The following PDGFD variants were observed in gnomAD, a reference collection of about 807,000 sequenced individuals.
PDGFD encodes the protein platelet derived growth factor D.
PDGFD carries 30 observed loss-of-function variants against 44.7 expected under a neutral mutation model. The ratio of observed to expected loss-of-function variants is 0.67; its 90% confidence interval spans 0.50 to 0.91. The LOEUF (loss-of-function observed/expected upper bound fraction) is 0.91. PDGFD is among the 40% of genes least tolerant of loss of function. The pLI, the probability that PDGFD is intolerant of heterozygous loss-of-function variation, is 0.00. For missense variants in PDGFD, 445 were observed against 457.8 expected, an observed-to-expected ratio of 0.97 and a Z score of 0.25; for synonymous variants, 173 against 168.4, an observed-to-expected ratio of 1.03 and a Z score of -0.21.
intron 1 of PDGFD, among the ~76,000 whole-genome samples, chr11:104,084,626 T>C (rs1413716866): frequency 6.8e-6 from 1 of 146,992 alleles, no homozygotes; most frequent in Non-Finnish European, 1.5e-5. Flanking sequence ...TAAATATACA[T>C]ATATAATATA....
At chr11:104,050,616 C>T (rs17331117) in intron 1 of PDGFD, among the ~76,000 whole-genome samples, 34,258 of 152,054 alleles carry the variant, frequency 0.23, 4,262 homozygotes, top group Non-Finnish European at 0.28. Flanking sequence ...AAAGTGATAA[C>T]GTGTGGGTCT....
At chr11:104,065,934 G>C (rs1274959990) in intron 1 of PDGFD, among the ~76,000 whole-genome samples, 3 of 152,110 alleles carry the variant, frequency 2.0e-5, no homozygotes, top group African/African-American at 7.2e-5. Context: ...AGTGAATGCA[G>C]GGTAGAAATA....
intron 3 of PDGFD, among the ~76,000 whole-genome samples, chr11:103,962,939 T>C (rs1362712574): frequency 1.3e-5 from 2 of 152,280 alleles, no homozygotes; most frequent in East Asian, 3.9e-4. Context: ...GAGATGGAAA[T>C]CACCTGTTAC....
At chr11:103,928,006 T>C (rs1184613636) in intron 5 of PDGFD, among the ~76,000 whole-genome samples, 1 of 152,238 alleles carries the variant, frequency 6.6e-6, no homozygotes, top group Non-Finnish European at 1.5e-5. Flanking sequence ...ATACTACGTC[T>C]TTCTCCCTCT....
intron 1 of PDGFD, among the ~76,000 whole-genome samples, chr11:104,148,513 A>G (rs1269042899): frequency 6.6e-6 from 1 of 152,166 alleles, no homozygotes; most frequent in African/African-American, 2.4e-5. Context: ...TAAAAATTTA[A>G]AAGAAATTGC....
intron 1 of PDGFD, among the ~76,000 whole-genome samples, chr11:104,097,804 G>A (rs1204579579): frequency 6.6e-6 from 1 of 152,102 alleles, no homozygotes; most frequent in East Asian, 1.9e-4. Context: ...CTTAACAAAT[G>A]GGCTTCGACA....
chr11:104,055,816 G>T (rs113239270), intron 1 of PDGFD, among the ~76,000 whole-genome samples: 13 of 152,260 alleles, frequency 8.5e-5, no homozygotes, highest in African/African-American at 3.1e-4. Flanking sequence ...CGTTGCCATA[G>T]AAATGGTATT....
At chr11:104,103,049 G>A (rs1415356711) in intron 1 of PDGFD, among the ~76,000 whole-genome samples, 1 of 152,046 alleles carries the variant, frequency 6.6e-6, no homozygotes, top group African/African-American at 2.4e-5. Context: ...TGCACGTTGT[G>A]CACATGTACC....
chr11:104,082,203 T>C (rs1861056310), intron 1 of PDGFD, among the ~76,000 whole-genome samples: 1 of 147,750 alleles, frequency 6.8e-6, no homozygotes, highest in African/African-American at 2.5e-5. Flanking sequence ...GTCATATAGA[T>C]ATATGGGCAA....
rs146332462 is a variant in PDGFD at position 103,943,647 on chromosome 11, C to A, written c.577G>T (p.Val193Leu). The A allele has an allele frequency of 1.3e-4, 202 of 1,611,426 alleles. No homozygotes were observed. The African/African-American group carries it at 2.4e-3, about 19-fold the overall frequency. ...WESVTSSISG[V>L]SYNSPSVTDP... ...GTTACTGATGGAGAGTTATAGGATA[C>A]CCCCTAAGAGTGACATACAGCTCAG... is the stretch of plus-strand genomic sequence containing the variant. Residue 193 changes from valine to leucine, a missense_variant, in exon 5 of 7, where the codon GTA becomes TTA. By Grantham distance (32) the Val-to-Leu change is conservative (BLOSUM62 1). Transcript: ENST00000393158.
chr11:104,048,126 T>C (rs1860472702), intron 1 of PDGFD, among the ~76,000 whole-genome samples: 1 of 152,204 alleles, frequency 6.6e-6, no homozygotes. Context: ...CTATATTATA[T>C]TTGACTGCAT....
At chr11:104,079,519 C>A (rs1385436977) in intron 1 of PDGFD, among the ~76,000 whole-genome samples, 2 of 152,132 alleles carry the variant, frequency 1.3e-5, no homozygotes, top group East Asian at 1.9e-4. Context: ...TCCCAAGTAG[C>A]TGGAATTACA....
intron 1 of PDGFD, among the ~76,000 whole-genome samples, chr11:104,056,381 G>A (rs361318): frequency 0.44 from 66,327 of 151,908 alleles, 15,447 homozygotes; most frequent in African/African-American, 0.6. Context: ...ACCCTATTTG[G>A]AAATGGGGTT....
At chr11:104,119,210 A>G (rs182680600) in intron 1 of PDGFD, among the ~76,000 whole-genome samples, 191 of 7,048 alleles carry the variant, frequency 0.027, 1 homozygote, top group Non-Finnish European at 0.046. Flanking sequence ...ATAATATATT[A>G]ATATAATATA....
chr11:103,976,110 G>T (rs1400162679), intron 3 of PDGFD, among the ~76,000 whole-genome samples: 1 of 151,980 alleles, frequency 6.6e-6, no homozygotes, highest in Non-Finnish European at 1.5e-5. Flanking sequence ...TCATGATATT[G>T]ACTCTTCCTA....
At position 104,151,135 on chromosome 11, in the gene PDGFD, T is replaced by G. The variant is rs545706927; in HGVS notation, c.124+12669A>C. ...TACCACACTGATAGAAAGCTCGCTC[T>G]CTCTCTCTCTTCTCCTCTTACTCTC... On this transcript the variant is annotated intron_variant, in intron 1 of 6. Coordinates refer to ENST00000393158, the MANE Select transcript of PDGFD (RefSeq NM_025208.5). Among the ~76,000 whole-genome samples, 18 of 152,282 alleles carry G rather than the reference T, an allele frequency of 1.2e-4. 1 individual carries two copies. In the South Asian group the frequency reaches 2.1e-3, roughly 18 times the overall value.
At chr11:104,021,098 C>A (rs1322268021) in intron 1 of PDGFD, among the ~76,000 whole-genome samples, 1 of 152,146 alleles carries the variant, frequency 6.6e-6, no homozygotes, top group Non-Finnish European at 1.5e-5. Flanking sequence ...AGTGCTTTAT[C>A]TTTTTGTGGA....
chr11:103,937,804 T>C (rs1383933729), intron 5 of PDGFD, among the ~76,000 whole-genome samples: 1 of 149,984 alleles, frequency 6.7e-6, no homozygotes, highest in Non-Finnish European at 1.5e-5. Flanking sequence ...ACATGCGGTG[T>C]TTGGTTTTTT....
At chr11:103,977,629 CTT>C (rs903218622) in intron 3 of PDGFD, among the ~76,000 whole-genome samples, 9 of 152,000 alleles carry the variant, frequency 5.9e-5, no homozygotes, top group African/African-American at 1.9e-4. Context: ...CGAAATCCCT[CTT>C]GACAGTGATA....
Sources: gnomAD v4.1 joint callset for allele counts (sites outside exome capture counted in the v4.1 genomes callset) on GRCh38, gnomAD v4.1.1 for gene constraint, MANE v1.5 for transcripts, NCBI Gene and HGNC (gene_info 2026-07-23, HGNC 2026-07-21) for gene names.